The following BMP6 variants were observed in gnomAD, a reference collection of about 807,000 sequenced individuals.
BMP6 encodes the protein VG-1-R.
BMP6 carries 17 observed loss-of-function variants against 54.1 expected under a neutral mutation model. The ratio of observed to expected loss-of-function variants is 0.31; its 90% confidence interval spans 0.22 to 0.47. BMP6 has a LOEUF of 0.47. Ranked by LOEUF, BMP6 falls within the 20% of genes least tolerant of loss-of-function variation. BMP6 has a pLI of 1.00. For synonymous variants in BMP6, 328 were observed against 291.2 expected (o/e 1.13, Z -1.28); for missense variants, 720 against 690.4 (o/e 1.04, Z -0.48).
chr6:7,780,524 GGAC>G (rs1051243743), intron 1 of BMP6, among the ~76,000 whole-genome samples: 19 of 151,454 alleles, frequency 1.3e-4, no homozygotes, highest in Non-Finnish European at 1.9e-4. Flanking sequence ...ACTCCAGCCT[GGAC>G]AACAAGAGTG....
chr6:7,843,447 T>G (rs998742917), intron 1 of BMP6, among the ~76,000 whole-genome samples: 1 of 151,180 alleles, frequency 6.6e-6, no homozygotes, highest in South Asian at 2.1e-4. Context: ...TTCTTTCTTT[T>G]TTTTTTTTTT....
At chr6:7,835,109 G>A (rs917868777) in intron 1 of BMP6, among the ~76,000 whole-genome samples, 1 of 135,638 alleles carries the variant, frequency 7.4e-6, no homozygotes. Context: ...AGATCACCCG[G>A]GAAGGAATGC....
intron 1 of BMP6, among the ~76,000 whole-genome samples, chr6:7,789,932 A>C (rs963047966): frequency 6.6e-6 from 1 of 152,108 alleles, no homozygotes; most frequent in Non-Finnish European, 1.5e-5. Flanking sequence ...AAATCAAGTC[A>C]TTTTGATGAA....
intron 4 of BMP6, among the ~76,000 whole-genome samples, chr6:7,868,989 G>T (rs1759476289): frequency 6.6e-6 from 1 of 152,092 alleles, no homozygotes; most frequent in Non-Finnish European, 1.5e-5. Context: ...TTGTTTCGCT[G>T]TCCTCCTCTA....
At chr6:7,819,197 T>C (rs769006794) in intron 1 of BMP6, among the ~76,000 whole-genome samples, 3 of 152,204 alleles carry the variant, frequency 2.0e-5, no homozygotes, top group Non-Finnish European at 4.4e-5. Context: ...TGAGGCTTTA[T>C]TGAAGAGATG....
Position 7,727,128 on chromosome 6 carries a change from C to A in BMP6, c.173C>A (p.Pro58Gln). 1 of 1,529,988 alleles carries A rather than the reference C, an allele frequency of 6.5e-7. No homozygotes were observed. The highest frequency in any genetic ancestry group is 8.8e-7 in the Non-Finnish European group (1 of 1,141,022). The allele number at this position is 1,529,988 out of a possible 1,614,324, so 94.8% of individuals were successfully genotyped here. A position where few individuals can be genotyped will look rare whatever the true frequency, so the allele number is the denominator to read the frequency against. The stretch of plus-strand genomic sequence containing the variant: ...CCCGGCCGCACGGAGCAGCCGCCGC[C>A]GTCGCCGCAGTCCTCCTCGGGCTTC... ...GSPGRTEQPP[P>Q]SPQSSSGFLY... The change falls in exon 1 of 7, where the codon CCG becomes CAG. Residue 58 changes from proline (P) to glutamine (Q), a missense_variant. By Grantham distance (76) the Pro-to-Gln change is moderately conservative (BLOSUM62 -1). Coordinates refer to ENST00000283147, the MANE Select transcript of BMP6 (RefSeq NM_001718.6).
chr6:7,845,017 C>G lies in BMP6; in HGVS notation c.665-123C>G, dbSNP rs1581273989. 9 of 845,456 alleles carry G rather than the reference C, an allele frequency of 1.1e-5. No individual in the cohort carries two copies. In the East Asian group the frequency reaches 2.2e-4, roughly 21 times the overall value. The allele number at this position is 845,456 out of a possible 1,614,324, so 52.4% of individuals were successfully genotyped here. A position where few individuals can be genotyped will look rare whatever the true frequency, so the allele number is the denominator to read the frequency against. On this transcript the variant is annotated intron_variant, in intron 1 of 6. Coordinates refer to ENST00000283147, the MANE Select transcript of BMP6 (RefSeq NM_001718.6). The stretch of plus-strand genomic sequence containing the variant: ...CAGTGGTCTGTTCACTACCCGATCC[C>G]CGTAGTAAGCCGTGGGTAATTGGTA...
At chr6:7,814,665 G>A (rs923989041) in intron 1 of BMP6, among the ~76,000 whole-genome samples, 11 of 152,126 alleles carry the variant, frequency 7.2e-5, no homozygotes. Context: ...AGGGTCAGGA[G>A]GCCAATACAC....
intron 1 of BMP6, among the ~76,000 whole-genome samples, chr6:7,771,470 C>T (rs1757785310): frequency 6.6e-6 from 1 of 152,226 alleles, no homozygotes; most frequent in African/African-American, 2.4e-5. Flanking sequence ...ATAGCACCCA[C>T]ATAAGGTAAT....
chr6:7,742,643 T>G (rs1220080348), intron 1 of BMP6, among the ~76,000 whole-genome samples: 5 of 152,206 alleles, frequency 3.3e-5, no homozygotes, highest in African/African-American at 1.2e-4. Flanking sequence ...CCGAAACAGA[T>G]GTGCATTATT....
intron 1 of BMP6, among the ~76,000 whole-genome samples, chr6:7,733,458 T>C (rs76516979): frequency 0.039 from 5,873 of 152,240 alleles, 370 homozygotes; most frequent in African/African-American, 0.13. Flanking sequence ...ATAGACAATT[T>C]ACCAAGGCCC....
chr6:7,812,624 G>T (rs553078285), intron 1 of BMP6, among the ~76,000 whole-genome samples: 1 of 152,022 alleles, frequency 6.6e-6, no homozygotes, highest in Non-Finnish European at 1.5e-5. Flanking sequence ...TATATTTGTT[G>T]CAAATATGAT....
chr6:7,859,410 C>A (rs1404732918), intron 2 of BMP6, among the ~76,000 whole-genome samples: 1 of 152,120 alleles, frequency 6.6e-6, no homozygotes, highest in Non-Finnish European at 1.5e-5. Context: ...TGCTCACGGG[C>A]CCCGCCTTGA....
chr6:7,763,938 T>C (rs1332857630), intron 1 of BMP6, among the ~76,000 whole-genome samples: 3 of 152,092 alleles, frequency 2.0e-5, no homozygotes, highest in Non-Finnish European at 4.4e-5. Context: ...AAAGAAAAAC[T>C]CCGTTGGATC....
rs537332654 is a variant in BMP6 at position 7,727,289 on chromosome 6, G to GAGC, written c.353_355dup (p.Gln118dup). 0.02 allele frequency: 31,504 copies of GAGC among 1,605,868 alleles called. 763 individuals are homozygous for GAGC. Among genetic ancestry groups the GAGC allele is most frequent in the East Asian group, 0.15 (6,648 of 44,394 alleles). On this transcript the variant is annotated inframe_insertion, in exon 1 of 7. Transcript: ENST00000283147. ...GCCCCCGGCGCTCCGGCAGCAGGAG[G>GAGC]AGCAGCAGCAGCAGCAGCAGCTGCC...
At chr6:7,827,313 A>G (rs1238421380) in intron 1 of BMP6, among the ~76,000 whole-genome samples, 2 of 152,236 alleles carry the variant, frequency 1.3e-5, no homozygotes, top group African/African-American at 2.4e-5. Flanking sequence ...AGGCAAATCA[A>G]GTAACTTTAT....
intron 1 of BMP6, among the ~76,000 whole-genome samples, chr6:7,782,628 G>T (rs1231909339): frequency 1.3e-5 from 2 of 152,100 alleles, no homozygotes; most frequent in African/African-American, 4.8e-5. Context: ...TGCTTGAACC[G>T]GGAGGCAGAG....
intron 1 of BMP6, among the ~76,000 whole-genome samples, chr6:7,781,795 C>A (rs774563777): frequency 2.6e-5 from 4 of 151,440 alleles, no homozygotes; most frequent in Non-Finnish European, 5.9e-5. Flanking sequence ...GAACAAATGG[C>A]GCTTGGTCAG....
At chr6:7,853,323 A>C (rs1306524243) in intron 2 of BMP6, among the ~76,000 whole-genome samples, 2 of 152,170 alleles carry the variant, frequency 1.3e-5, no homozygotes, top group African/African-American at 4.8e-5. Flanking sequence ...AATCTTTTTA[A>C]TGAATCCCGA....
Sources: allele counts gnomAD v4.1 joint callset (sites outside exome capture counted in the v4.1 genomes callset), GRCh38; gene constraint gnomAD v4.1.1; transcripts MANE v1.5; gene names NCBI Gene and HGNC (gene_info 2026-07-23, HGNC 2026-07-21).